CFAP299: variants seen among roughly 807,000 people sequenced by gnomAD.
CFAP299 encodes cilia- and flagella-associated protein 299.
In CFAP299, 21 loss-of-function variants were observed where a neutral mutation model predicts 27.0. The observed-to-expected ratio is 0.78, with a 90% CI of 0.55 to 1.12. CFAP299 has a LOEUF of 1.12. CFAP299 is among the 50% of genes most tolerant of loss of function. CFAP299 has a pLI of 0.00. For synonymous variants in CFAP299, 104 were observed against 98.1 expected (o/e 1.06, Z -0.36); for missense variants, 310 against 276.6 (o/e 1.12, Z -0.86).
At chr4:80,955,032 AAAC>A (rs1380238790) in intron 5 of CFAP299, among the ~76,000 whole-genome samples, 745 of 25,326 alleles carry the variant, frequency 0.029, 215 homozygotes, top group Admixed American at 0.049. Flanking sequence ...AAAAAAAAAA[AAAC>A]GCACACATGG....
intron 3 of CFAP299, among the ~76,000 whole-genome samples, chr4:80,686,740 A>T (rs577940250): frequency 6.6e-6 from 1 of 152,252 alleles, no homozygotes; most frequent in South Asian, 2.1e-4. Flanking sequence ...TTCTCTTGTG[A>T]TGTGAAGCAG....
At chr4:80,487,372 C>G (rs961384559) in intron 2 of CFAP299, among the ~76,000 whole-genome samples, 1 of 152,140 alleles carries the variant, frequency 6.6e-6, no homozygotes, top group African/African-American at 2.4e-5. Context: ...TTTACAGAGG[C>G]TATCAGTTTT....
chr4:80,374,619 C>T (rs1474453335), intron 2 of CFAP299, among the ~76,000 whole-genome samples: 1 of 152,122 alleles, frequency 6.6e-6, no homozygotes, highest in Non-Finnish European at 1.5e-5. Context: ...TTTTCCTAAT[C>T]AGAGCTCTGA....
rs774185037 is a variant in CFAP299 at position 80,665,555 on chromosome 4, CTTA to C, written c.333+82378_333+82380del. ...AAAATTATTCATTCTCTAGATGTGT[CTTA>C]TTATTGTCTTAAATTTCCTCCTAAA... is the stretch of plus-strand genomic sequence containing the variant. On this transcript the variant is annotated intron_variant, in intron 3 of 5. Coordinates refer to ENST00000358105, the MANE Select transcript of CFAP299 (RefSeq NM_152770.3). Among the ~76,000 whole-genome samples, 160 of 152,158 alleles carry C rather than the reference CTTA, an allele frequency of 1.1e-3. 1 individual carries two copies. The highest frequency in any genetic ancestry group is 5.4e-4 in the Non-Finnish European group (37 of 67,996).
At chr4:80,711,677 A>G (rs1722182296) in intron 3 of CFAP299, among the ~76,000 whole-genome samples, 1 of 152,130 alleles carries the variant, frequency 6.6e-6, no homozygotes, top group Non-Finnish European at 1.5e-5. Context: ...TGGAACCAAG[A>G]CTGACATTCT....
intron 2 of CFAP299, among the ~76,000 whole-genome samples, chr4:80,479,143 G>A (rs1225751117): frequency 2.6e-5 from 4 of 151,924 alleles, no homozygotes; most frequent in Non-Finnish European, 5.9e-5. Flanking sequence ...ACACTGCCAA[G>A]CACAGTATCT....
chr4:80,345,227 A>G (rs1006697417), intron 1 of CFAP299, among the ~76,000 whole-genome samples: 3 of 152,158 alleles, frequency 2.0e-5, no homozygotes, highest in Admixed American at 6.6e-5. Flanking sequence ...ACATGATCCT[A>G]TATCTAGAAA....
chr4:80,875,618 C>A (rs1049928322), intron 4 of CFAP299, among the ~76,000 whole-genome samples: 3 of 149,822 alleles, frequency 2.0e-5, no homozygotes, highest in Non-Finnish European at 3.0e-5. Flanking sequence ...GAGCCAAGAT[C>A]GCGCCATTGC....
intron 2 of CFAP299, among the ~76,000 whole-genome samples, chr4:80,509,243 A>G (rs1232532388): frequency 2.0e-5 from 3 of 152,238 alleles, no homozygotes; most frequent in Non-Finnish European, 4.4e-5. Flanking sequence ...TAAAAATAAT[A>G]GCATGGCAGT....
intron 2 of CFAP299, among the ~76,000 whole-genome samples, chr4:80,364,113 C>CACACACACACACACACACACACACAT (rs1723698555): frequency 6.6e-6 from 1 of 151,586 alleles, no homozygotes; most frequent in Non-Finnish European, 1.5e-5. Context: ...CACACACACA[C>CACACACACACACACACACACACACAT]ACACATTTCT....
chr4:80,883,076 C>T (rs1578210048), intron 4 of CFAP299, among the ~76,000 whole-genome samples: 1 of 123,666 alleles, frequency 8.1e-6, no homozygotes, highest in African/African-American at 4.8e-5. Context: ...AAATGCATAA[C>T]AATATAACTA....
intron 3 of CFAP299, among the ~76,000 whole-genome samples, chr4:80,760,023 T>G (rs988750101): frequency 6.6e-6 from 1 of 152,152 alleles, no homozygotes; most frequent in Non-Finnish European, 1.5e-5. Context: ...AGAAAAAATT[T>G]TATTTAGCTT....
At chr4:80,350,452 A>G (rs1290009653) in intron 1 of CFAP299, among the ~76,000 whole-genome samples, 1 of 152,232 alleles carries the variant, frequency 6.6e-6, no homozygotes, top group African/African-American at 2.4e-5. Context: ...CCAAAGGATT[A>G]TAAATCATTC....
intron 4 of CFAP299, among the ~76,000 whole-genome samples, chr4:80,924,536 G>GTATATATA (rs1209342041): frequency 2.9e-4 from 38 of 130,950 alleles, no homozygotes; most frequent in African/African-American, 1.3e-3. Context: ...GTGTGTGTGT[G>GTATATATA]TGTATATATA....
At chr4:80,483,319 C>A (rs2110129787) in intron 2 of CFAP299, among the ~76,000 whole-genome samples, 1 of 152,292 alleles carries the variant, frequency 6.6e-6, no homozygotes, top group African/African-American at 2.4e-5. Context: ...TTGCCTTACA[C>A]CACTAAGTTG....
chr4:80,408,775 C>T (rs908533632), intron 2 of CFAP299, among the ~76,000 whole-genome samples: 1 of 151,106 alleles, frequency 6.6e-6, no homozygotes, highest in Admixed American at 6.6e-5. Context: ...GAGAAATGGG[C>T]AAGAAAATTA....
chr4:80,505,135 G>GAT (rs10616252), intron 2 of CFAP299, among the ~76,000 whole-genome samples: 8 of 150,178 alleles, frequency 5.3e-5, no homozygotes, highest in South Asian at 2.1e-4. Flanking sequence ...CTTATATATT[G>GAT]ATATATATAT....
chr4:80,413,750 C>CTTTTTTTTTTTTTTTTTTTTTTTTTT (rs66780627), intron 2 of CFAP299, among the ~76,000 whole-genome samples: 1 of 108,310 alleles, frequency 9.2e-6, no homozygotes, highest in Non-Finnish European at 1.8e-5. Flanking sequence ...TTGTGTCATT[C>CTTTTTTTTTTTTTTTTTTTTTTTTTT]TTTTTTTTTT....
chr4:80,944,892 C>G lies in CFAP299; in HGVS notation c.559C>G (p.Leu187Val), dbSNP rs745976654. ...GATTGCCGATAATCCAGAAGGCTTA[C>G]TTTTCAGATACAAAAGAGACAGAAA... The part of the protein sequence containing the change: ...QVIADNPEGL[L>V]FRYKRDRKIL... Residue 187 changes from leucine (L) to valine (V), a missense_variant, in exon 5 of 6, where the codon CTT becomes GTT. By Grantham distance (32) the Leu-to-Val change is conservative (BLOSUM62 1). Transcript: ENST00000358105. The G allele has an allele frequency of 1.2e-6, 2 of 1,612,918 alleles. No individual in the cohort carries two copies. Among genetic ancestry groups the G allele is most frequent in the Admixed American group, 1.7e-5 (1 of 59,934 alleles).
Sources: gnomAD v4.1 joint callset for allele counts (sites outside exome capture counted in the v4.1 genomes callset) on GRCh38, gnomAD v4.1.1 for gene constraint, MANE v1.5 for transcripts, NCBI Gene and HGNC (gene_info 2026-07-23, HGNC 2026-07-21) for gene names.